ZNF527: variants seen among roughly 807,000 people sequenced by gnomAD.
The protein encoded by ZNF527 is zinc finger protein 527.
ZNF527 carries 5 observed loss-of-function variants against 13.5 expected under a neutral mutation model. The observed-to-expected ratio is 0.37, with a 90% CI of 0.19 to 0.78. The LOEUF is 0.78. Ranked by LOEUF, ZNF527 falls within the 30% of genes least tolerant of loss-of-function variation. The pLI is 0.48. For synonymous variants in ZNF527, 209 were observed against 243.1 expected, an observed-to-expected ratio of 0.86 and a Z score of 1.30; for missense variants, 628 against 726.4, an observed-to-expected ratio of 0.86 and a Z score of 1.56.
intron 2 of ZNF527, among the ~76,000 whole-genome samples, chr19:37,374,871 G>A (rs1406184854): frequency 2.0e-5 from 3 of 152,348 alleles, no homozygotes; most frequent in South Asian, 4.1e-4. Flanking sequence ...GGGAGTACAG[G>A]TGGAAGCAGA....
rs985671299 is a variant in ZNF527 at position 37,390,113 on chromosome 19, C to T, written c.*234C>T. 7 of 354,122 alleles carry T rather than the reference C, an allele frequency of 2.0e-5. No individual in the cohort carries two copies. In the East Asian group the frequency reaches 3.9e-4, roughly 20 times the overall value. 21.9% of individuals were successfully genotyped at this position (354,122 alleles called of 1,614,324 possible). ...GTGTAATCTTGGCTCACTGCAGCCT[C>T]TGCCTCCTGGGTTCAAGCAATCCTC... On this transcript the variant is annotated 3_prime_UTR_variant, in exon 5 of 5. Coordinates refer to ENST00000436120, the MANE Select transcript of ZNF527 (RefSeq NM_032453.2).
intron 4 of ZNF527, among the ~76,000 whole-genome samples, chr19:37,387,310 G>A (rs1036573606): frequency 3.3e-5 from 5 of 152,088 alleles, no homozygotes; most frequent in East Asian, 1.9e-4. Flanking sequence ...CATATTCTCC[G>A]AGAATTATTC....
chr19:37,379,020 T>G, intron 2 of ZNF527, 100 bp from the exon 3 acceptor site: 1 of 1,324,396 alleles, frequency 7.6e-7, no homozygotes, highest in Non-Finnish European at 1.1e-6. Context: ...ATTATTTTCC[T>G]CGCATCACTT....
rs755325433 is a variant in ZNF527 at position 37,388,750 on chromosome 19, G to A, written c.701G>A (p.Ser234Asn). ...GAATTCAACCAGAGTACGTACCTTA[G>A]TAAAGATATAGGAATTCCTCCTGGG... ...CEEFNQSTYL[S>N]KDIGIPPGEK... The change falls in exon 5 of 5, where the codon AGT becomes AAT. Residue 234 changes from serine to asparagine, a missense_variant. Transcript: ENST00000436120. The A allele has an allele frequency of 6.2e-7, 1 of 1,612,828 alleles. No individual in the cohort carries two copies. Among genetic ancestry groups the A allele is most frequent in the Non-Finnish European group, 8.5e-7 (1 of 1,179,764 alleles).
chr19:37,389,782 G>T lies in ZNF527; in HGVS notation c.1733G>T (p.Gly578Val), dbSNP rs767725347. Residue 578 changes from glycine (G) to valine (V), a missense_variant, in exon 5 of 5, where the codon GGA (glycine) becomes GTA (valine). Coordinates refer to ENST00000436120, the MANE Select transcript of ZNF527 (RefSeq NM_032453.2). ...AGACTACACCAGAGAATTCACGCTG[G>T]AGAAAAACCTTATAAATGTAACGAA... is the stretch of plus-strand genomic sequence containing the variant. ...SLRLHQRIHA[G>V]EKPYKCNECG... 6.2e-7 allele frequency: 1 copy of T among 1,613,496 alleles called. No individual in the cohort carries two copies. Among genetic ancestry groups the T allele is most frequent in the South Asian group, 1.1e-5 (1 of 91,028 alleles).
At chr19:37,384,273 G>A (rs757260492) in intron 4 of ZNF527, among the ~76,000 whole-genome samples, 2 of 152,112 alleles carry the variant, frequency 1.3e-5, no homozygotes, top group African/African-American at 2.4e-5. Context: ...AGCTGGGATC[G>A]CGCCACGGCA....
chr19:37,374,167 C>G lies in ZNF527; in HGVS notation c.-32C>G. 3 of 1,611,168 alleles carry G rather than the reference C, an allele frequency of 1.9e-6. No homozygotes were observed. Among genetic ancestry groups the G allele is most frequent in the Non-Finnish European group, 2.5e-6 (3 of 1,177,402 alleles). ...AACTCTCCCTTCTCAGGACTTTGTT[C>G]TTCTTCAGAAGAGAAAACTGAAGAA... On this transcript the variant is annotated 5_prime_UTR_variant, in exon 2 of 5. Coordinates refer to ENST00000436120, the MANE Select transcript of ZNF527 (RefSeq NM_032453.2).
intron 4 of ZNF527, among the ~76,000 whole-genome samples, chr19:37,387,203 A>T (rs2040707309): frequency 6.6e-6 from 1 of 152,242 alleles, no homozygotes; most frequent in Non-Finnish European, 1.5e-5. Context: ...ACGTAGTTCT[A>T]AAATAATCCG....
At chr19:37,385,703 T>C (rs1444265230) in intron 4 of ZNF527, 1 of 191,732 alleles carries the variant, frequency 5.2e-6, no homozygotes, top group Non-Finnish European at 1.1e-5. Flanking sequence ...TTTTTTGCTT[T>C]GTTGCAATTA....
rs529763935 is a variant in ZNF527, at chr19:37,382,947, C to T, written c.256+2575C>T. Among the ~76,000 whole-genome samples, 16 of 152,102 alleles carry T rather than the reference C, an allele frequency of 1.1e-4. No homozygotes were observed. The South Asian group carries it at 1.7e-3, about 16-fold the overall frequency. ...GTCTCAATCTCTTGACCTCGTGATC[C>T]GTGCCAGCCTTGGCCTCCCAAAGTG... is the stretch of plus-strand genomic sequence containing the variant. On this transcript the variant is annotated intron_variant, in intron 4 of 4. Coordinates refer to ENST00000436120, the MANE Select transcript of ZNF527 (RefSeq NM_032453.2).
At chr19:37,376,156 C>T (rs2040606055) in intron 2 of ZNF527, among the ~76,000 whole-genome samples, 1 of 151,916 alleles carries the variant, frequency 6.6e-6, no homozygotes, top group African/African-American at 2.4e-5. Context: ...CAGGGCAACA[C>T]AGGGAGACTC....
intron 2 of ZNF527, among the ~76,000 whole-genome samples, chr19:37,377,265 G>A (rs1238256522): frequency 6.6e-6 from 1 of 152,146 alleles, no homozygotes; most frequent in Admixed American, 6.6e-5. Context: ...GCAAGTGGAC[G>A]GACTGGTCTT....
intron 2 of ZNF527, among the ~76,000 whole-genome samples, chr19:37,376,622 C>G (rs1265836792): frequency 7.4e-6 from 1 of 134,940 alleles, no homozygotes; most frequent in East Asian, 2.2e-4. Context: ...TGCAGTGAGC[C>G]AAGATCGCGC....
chr19:37,381,821 C>G (rs932957360), intron 4 of ZNF527, among the ~76,000 whole-genome samples: 2 of 152,022 alleles, frequency 1.3e-5, no homozygotes, highest in African/African-American at 4.8e-5. Flanking sequence ...GAAGGAAGAG[C>G]TGCTCTTTCT....
At chr19:37,382,285 GTAGATAGATAGA>G (rs10594777) in intron 4 of ZNF527, among the ~76,000 whole-genome samples, 3,035 of 149,232 alleles carry the variant, frequency 0.02, 84 homozygotes, top group African/African-American at 0.063. Context: ...AGATAGATAG[GTAGATAGATAGA>G]TAGATAGATA....
rs757865604 is a variant in ZNF527 at position 37,388,614 on chromosome 19, C to A, written c.565C>A (p.Gln189Lys). The stretch of plus-strand genomic sequence containing the variant: ...ACAACAGAAAGTTCCTACCATACAG[C>A]AAGTACATAAATTTGATATTTATGA... Reference protein sequence around the residue: ...LTQQKVPTIQQVHKFDIYDKL... With the variant: ...LTQQKVPTIQKVHKFDIYDKL... Residue 189 changes from glutamine to lysine, a missense_variant, in exon 5 of 5, where the codon CAA becomes AAA. Physicochemically the swap from Gln to Lys is moderately conservative, Grantham distance 53 (BLOSUM62 1). Around this residue, in one of 3 missense-constraint regions of ZNF527, gnomAD observed 592 missense variants for 678.0 expected, o/e 0.87. Transcript: ENST00000436120. The A allele has an allele frequency of 1.1e-5, 18 of 1,613,786 alleles. No individual in the cohort carries two copies. Among genetic ancestry groups the A allele is most frequent in the Non-Finnish European group, 5.1e-6 (6 of 1,179,860 alleles).
rs2040748674 is a variant in ZNF527 at position 37,391,123 on chromosome 19, C to T, written c.*1244C>T. The T allele has an allele frequency of 2.0e-5, 3 of 152,278 alleles. No individual in the cohort carries two copies. The South Asian group carries it at 6.2e-4, about 32-fold the overall frequency. 9.4% of individuals were successfully genotyped at this position (152,278 alleles called of 1,614,324 possible). A position where few individuals can be genotyped will look rare whatever the true frequency, so the allele number is the denominator to read the frequency against. The stretch of plus-strand genomic sequence containing the variant: ...TTGCCTGTAAAGAGAGAATGGAAAG[C>T]TAAGAGAATAATACTTTCATTTGTT... On this transcript the variant is annotated 3_prime_UTR_variant, in exon 5 of 5. Transcript: ENST00000436120.
chr19:37,389,755 TA>T lies in ZNF527; in HGVS notation c.1708del (p.Arg570AspfsTer58). ...AAGGCTTTTCATCAGATCTTGTCCC[TA>T]AGACTACACCAGAGAATTCACGCTG... is the stretch of plus-strand genomic sequence containing the variant. ...CGKAFHQILS[L>X]RLHQRIHAGE... is the part of the protein sequence containing the mutation. On this transcript the variant is annotated frameshift_variant, in exon 5 of 5. Transcript: ENST00000436120. LOFTEE classifies it low-confidence loss of function (END_TRUNC). The T allele has an allele frequency of 6.2e-7, 1 of 1,613,848 alleles. No homozygotes were observed. The highest frequency in any genetic ancestry group is 8.5e-7 in the Non-Finnish European group (1 of 1,180,030).
intron 4 of ZNF527, among the ~76,000 whole-genome samples, chr19:37,384,361 G>C (rs1568695813): frequency 6.6e-6 from 1 of 151,960 alleles, no homozygotes; most frequent in Non-Finnish European, 1.5e-5. Context: ...AGCCTGACAT[G>C]GTGCTGTGCA....
Sources: gnomAD v4.1 joint callset for allele counts (sites outside exome capture counted in the v4.1 genomes callset) on GRCh38, gnomAD v4.1.1 for gene constraint, gnomAD v4.1.1 regional missense constraint, MANE v1.5 for transcripts, NCBI Gene and HGNC (gene_info 2026-07-23, HGNC 2026-07-21) for gene names.